TTC21B: variants seen among roughly 807,000 people sequenced by gnomAD.
TTC21B encodes the protein tetratricopeptide repeat domain 21B.
In TTC21B, 127 loss-of-function variants were observed where a neutral mutation model predicts 175.1. The observed-to-expected ratio is 0.73, with a 90% CI of 0.63 to 0.84. The LOEUF is 0.84. TTC21B is among the 40% of genes least tolerant of loss of function. The pLI, the probability that TTC21B is intolerant of heterozygous loss-of-function variation, is 0.00. For synonymous variants in TTC21B, 524 were observed against 524.5 expected (o/e 1.00, Z 0.01); for missense variants, 1,561 against 1,558.3 (o/e 1.00, Z -0.03).
chr2:165,896,706 G>T (rs1249439133), intron 22 of TTC21B, among the ~76,000 whole-genome samples: 1 of 152,120 alleles, frequency 6.6e-6, no homozygotes, highest in African/African-American at 2.4e-5. Context: ...AGTAGAAACA[G>T]CAAACAAAAA....
At chr2:165,906,476 T>G (rs1003507631) in intron 19 of TTC21B, among the ~76,000 whole-genome samples, 9 of 152,006 alleles carry the variant, frequency 5.9e-5, no homozygotes, top group African/African-American at 2.2e-4. Context: ...TTGTAGACAT[T>G]CAAAAGAAAA....
chr2:165,937,771 CCACA>C (rs4001021), intron 6 of TTC21B, among the ~76,000 whole-genome samples: 34,355 of 127,168 alleles, frequency 0.27, 5,104 homozygotes, highest in Non-Finnish European at 0.33. Context: ...TATATAGAAA[CCACA>C]CACACACACA....
intron 20 of TTC21B, 30 bp from the exon 21 acceptor site, chr2:165,899,910 C>A: frequency 7.6e-7 from 1 of 1,314,210 alleles, no homozygotes; most frequent in Non-Finnish European, 1.1e-6. Flanking sequence ...ATTCATCAGA[C>A]ACTGTATAGA....
At chr2:165,928,821 C>CA in intron 11 of TTC21B, 1 of 340,536 alleles carries the variant, frequency 2.9e-6, no homozygotes, top group South Asian at 2.6e-5. Context: ...ATGGGATAGA[C>CA]ATTGACAGTG....
rs80062215 is a variant in TTC21B, at chr2:165,931,158, T to A, written c.894+600A>T. On this transcript the variant is annotated intron_variant, in intron 8 of 28. Coordinates refer to ENST00000243344, the MANE Select transcript of TTC21B (RefSeq NM_024753.5). ...TTTTTAAATAAGAAAATTCAGTATATTCATGTCATTTAACAATTAATAATC... is the reference window on the plus strand; with the variant it reads ...TTTTTAAATAAGAAAATTCAGTATAATCATGTCATTTAACAATTAATAATC... Among the ~76,000 whole-genome samples, 1,115 of 152,232 alleles carry A rather than the reference T, an allele frequency of 7.3e-3. 9 individuals carry two copies. Among genetic ancestry groups the A allele is most frequent in the Non-Finnish European group, 0.013 (905 of 67,976 alleles).
chr2:165,909,059 CA>C (rs1685842383), intron 18 of TTC21B, among the ~76,000 whole-genome samples: 2 of 152,000 alleles, frequency 1.3e-5, no homozygotes, highest in Admixed American at 1.3e-4. Flanking sequence ...CTACACTAAA[CA>C]TGTTGTTGGC....
intron 22 of TTC21B, 178 bp downstream of exon 22, chr2:165,898,508 C>T (rs1485607308): frequency 3.0e-6 from 2 of 664,260 alleles, no homozygotes; most frequent in African/African-American, 3.6e-5. Context: ...TGAGACCAGT[C>T]AACAGTGTTG....
intron 25 of TTC21B, among the ~76,000 whole-genome samples, chr2:165,885,103 T>A (rs1684959913): frequency 6.6e-6 from 1 of 152,198 alleles, no homozygotes; most frequent in Admixed American, 6.5e-5. Context: ...TGAGTTATGA[T>A]CGTGCCACTG....
At chr2:165,923,537 C>T (rs986465362) in intron 12 of TTC21B, among the ~76,000 whole-genome samples, 10 of 151,134 alleles carry the variant, frequency 6.6e-5, no homozygotes, top group Middle Eastern at 3.5e-3. Flanking sequence ...CTCCACCTCC[C>T]GGGTTCACGC....
intron 25 of TTC21B, among the ~76,000 whole-genome samples, chr2:165,887,436 A>C (rs1047144545): frequency 2.0e-5 from 3 of 151,970 alleles, no homozygotes; most frequent in Non-Finnish European, 4.4e-5. Flanking sequence ...AGAGAGTAAG[A>C]AAAAAGGTGG....
At chr2:165,906,676 G>A (rs1345454726) in intron 19 of TTC21B, among the ~76,000 whole-genome samples, 1 of 152,050 alleles carries the variant, frequency 6.6e-6, no homozygotes, top group African/African-American at 2.4e-5. Context: ...CGGGTGCGGT[G>A]GCTCACGCCT....
chr2:165,905,927 T>C (rs1272655036), intron 19 of TTC21B, among the ~76,000 whole-genome samples: 1 of 152,174 alleles, frequency 6.6e-6, no homozygotes, highest in South Asian at 2.1e-4. Context: ...AAACTGATTA[T>C]AATGTAGGAT....
chr2:165,886,071 C>A (rs1007896022), intron 25 of TTC21B, among the ~76,000 whole-genome samples: 1 of 152,170 alleles, frequency 6.6e-6, no homozygotes, highest in Non-Finnish European at 1.5e-5. Context: ...CTCTGAATGA[C>A]AAATAGGATT....
intron 25 of TTC21B, among the ~76,000 whole-genome samples, chr2:165,885,619 C>A (rs1264648022): frequency 2.0e-5 from 3 of 152,184 alleles, no homozygotes; most frequent in Non-Finnish European, 1.5e-5. Context: ...CAGCCAGGTC[C>A]TAGCACAGCC....
At chr2:165,920,851 C>T (rs1184157285) in intron 12 of TTC21B, among the ~76,000 whole-genome samples, 1 of 122,520 alleles carries the variant, frequency 8.2e-6, no homozygotes, top group Non-Finnish European at 1.7e-5. Flanking sequence ...GAAAATAGAC[C>T]CTGTCACCAG....
At position 165,901,854 on chromosome 2, in the gene TTC21B, T is replaced by C; in HGVS notation, c.2625A>G (p.Ala875=). The C allele has an allele frequency of 6.2e-7, 1 of 1,613,988 alleles. No individual in the cohort carries two copies. Among genetic ancestry groups the C allele is most frequent in the Non-Finnish European group, 8.5e-7 (1 of 1,179,930 alleles). Residue 875 remains alanine, a synonymous_variant, in exon 20 of 29, where the codon GCA becomes GCG. Transcript: ENST00000243344. ...CTGCTAAATGTTTCTGTGCAGGAAC[T>C]GCATCTGGCTGTTCCATCTGAACAC... ...LKRVQMEQPD[A]VPAQKHLAAE...
At position 165,953,726 on chromosome 2, in the gene TTC21B, GC is replaced by G; in HGVS notation, c.-22del. ...TCCATGGCTGCCCCGAGGCCGGGCCGCGGGGCTCTGGGGATTGTCTCGCCGC... is the reference window on the plus strand; with the variant it reads ...TCCATGGCTGCCCCGAGGCCGGGCCGGGGGCTCTGGGGATTGTCTCGCCGC... On this transcript the variant is annotated 5_prime_UTR_variant, in exon 1 of 29. Coordinates refer to ENST00000243344, the MANE Select transcript of TTC21B (RefSeq NM_024753.5). The G allele has an allele frequency of 6.6e-7, 1 of 1,526,540 alleles. No homozygotes were observed. The highest frequency in any genetic ancestry group is 8.8e-7 in the Non-Finnish European group (1 of 1,136,886). The allele number at this position is 1,526,540 out of a possible 1,614,324, so 94.6% of individuals were successfully genotyped here.
intron 25 of TTC21B, among the ~76,000 whole-genome samples, chr2:165,884,791 T>G (rs574573385): frequency 6.6e-6 from 1 of 152,206 alleles, no homozygotes; most frequent in Admixed American, 6.5e-5. Context: ...CTAACTTTCA[T>G]AAGCAATAAT....
chr2:165,919,560 C>A, intron 12 of TTC21B, 127 bp from the exon 13 acceptor site: 1 of 1,010,456 alleles, frequency 9.9e-7, no homozygotes, highest in Non-Finnish European at 1.5e-6. Flanking sequence ...GTTTGCTGTT[C>A]ATAGGCCATG....
Sources: allele counts gnomAD v4.1 joint callset (sites outside exome capture counted in the v4.1 genomes callset), GRCh38; gene constraint gnomAD v4.1.1; transcripts MANE v1.5; gene names NCBI Gene and HGNC (gene_info 2026-07-23, HGNC 2026-07-21).